PRKN: variants seen among roughly 807,000 people sequenced by gnomAD.
PRKN encodes the protein parkin RBR E3 ubiquitin protein ligase, also known as E3 ubiquitin-protein ligase parkin.
PRKN carries 56 observed loss-of-function variants against 59.5 expected under a neutral mutation model. That is an observed-to-expected ratio of 0.94 (90% CI 0.76 to 1.18). The LOEUF is 1.18. Among genes scored for constraint, PRKN ranks in the 50% most tolerant of loss-of-function variants. PRKN has a pLI of 0.00. For missense variants in PRKN, 657 were observed against 596.4 expected, an observed-to-expected ratio of 1.10 and a Z score of -1.06; for synonymous variants, 250 against 222.1, an observed-to-expected ratio of 1.13 and a Z score of -1.12.
intron 4 of PRKN, among the ~76,000 whole-genome samples, chr6:162,092,486 T>C (rs1025399225): frequency 2.0e-5 from 3 of 152,242 alleles, no homozygotes; most frequent in Admixed American, 6.5e-5. Flanking sequence ...ACAATTGAGT[T>C]CCCATCCTAT....
intron 9 of PRKN, among the ~76,000 whole-genome samples, chr6:161,481,670 C>T (rs574863271): frequency 5.3e-5 from 8 of 152,060 alleles, no homozygotes; most frequent in African/African-American, 1.2e-4. Flanking sequence ...GAACCTTTGC[C>T]GCACAAAGAG....
At chr6:162,100,155 A>T (rs1779908075) in intron 4 of PRKN, among the ~76,000 whole-genome samples, 1 of 152,180 alleles carries the variant, frequency 6.6e-6, no homozygotes, top group Non-Finnish European at 1.5e-5. Context: ...TAAATATAAC[A>T]CATTTTCTTT....
chr6:161,586,672 G>A (rs1269390897), intron 7 of PRKN, among the ~76,000 whole-genome samples: 1 of 152,082 alleles, frequency 6.6e-6, no homozygotes, highest in Non-Finnish European at 1.5e-5. Flanking sequence ...AAATAGTATG[G>A]TTCTAGTATT....
rs563784416 is a variant in PRKN, at chr6:161,435,854, C to T, written c.1084-48977G>A. Among the ~76,000 whole-genome samples the T allele has an allele frequency of 3.2e-5, 4 of 123,358 alleles. No homozygotes were observed. The South Asian group carries it at 1.2e-3, about 38-fold the overall frequency. 80.9% of individuals were successfully genotyped at this position (123,358 alleles called of 152,430 possible). On this transcript the variant is annotated intron_variant, in intron 9 of 11. Coordinates refer to ENST00000366898, the MANE Select transcript of PRKN (RefSeq NM_004562.3). The stretch of plus-strand genomic sequence containing the variant: ...CCTTTCCTCATGAAGTGTGTGGTTT[C>T]CTCAAGGACTGCCTGGGAGGCCCTG...
At chr6:162,350,840 A>G (rs910219499) in intron 2 of PRKN, among the ~76,000 whole-genome samples, 1 of 152,160 alleles carries the variant, frequency 6.6e-6, no homozygotes, top group Non-Finnish European at 1.5e-5. Context: ...TAAATTTAAG[A>G]CTTTCTGCTT....
intron 9 of PRKN, among the ~76,000 whole-genome samples, chr6:161,494,164 T>G (rs1027693484): frequency 1.3e-5 from 2 of 152,108 alleles, no homozygotes; most frequent in African/African-American, 2.4e-5. Flanking sequence ...ATTTGGCAGC[T>G]TTTAAAAAAT....
chr6:162,506,768 T>C (rs548251121), intron 1 of PRKN, among the ~76,000 whole-genome samples: 1 of 152,148 alleles, frequency 6.6e-6, no homozygotes, highest in South Asian at 2.1e-4. Flanking sequence ...AAGGAGCAAA[T>C]AGCTCCATCC....
chr6:161,508,065 G>A (rs543730915), intron 9 of PRKN, among the ~76,000 whole-genome samples: 43 of 152,248 alleles, frequency 2.8e-4, no homozygotes, highest in Non-Finnish European at 4.7e-4. Context: ...TATCGCACAC[G>A]TTAGGCATAA....
At chr6:161,843,036 G>A (rs1044543688) in intron 6 of PRKN, among the ~76,000 whole-genome samples, 1 of 152,170 alleles carries the variant, frequency 6.6e-6, no homozygotes, top group African/African-American at 2.4e-5. Flanking sequence ...TTGGAGGAGA[G>A]AAGTCTGAGG....
chr6:161,733,798 G>GTATATATATATATA (rs10597402), intron 7 of PRKN, among the ~76,000 whole-genome samples: 10 of 122,350 alleles, frequency 8.2e-5, no homozygotes, highest in African/African-American at 2.3e-4. Context: ...ATATATATAT[G>GTATATATATATATA]TATATATATA....
chr6:162,101,342 C>A, intron 4 of PRKN, among the ~76,000 whole-genome samples: 1 of 151,452 alleles, frequency 6.6e-6, no homozygotes, highest in Non-Finnish European at 1.5e-5. Flanking sequence ...ACAGTACTTT[C>A]CCCGTTATGT....
At chr6:161,945,056 C>A (rs1027027871) in intron 6 of PRKN, among the ~76,000 whole-genome samples, 1 of 151,994 alleles carries the variant, frequency 6.6e-6, no homozygotes, top group Non-Finnish European at 1.5e-5. Context: ...GGGTTTTAAA[C>A]CATAACAGTG....
At chr6:162,010,248 TACATA>T (rs1301522547) in intron 5 of PRKN, among the ~76,000 whole-genome samples, 1 of 133,522 alleles carries the variant, frequency 7.5e-6, no homozygotes, top group African/African-American at 2.8e-5. Context: ...ATATTTATTA[TACATA>T]ATATATATTT....
rs1416534381 is a variant in PRKN, at chr6:161,592,451, G to C, written c.872-23035C>G. On this transcript the variant is annotated intron_variant, in intron 7 of 11. Coordinates refer to ENST00000366898, the MANE Select transcript of PRKN (RefSeq NM_004562.3). This position sits in a 1 kb window ranked among gnomAD's most constrained non-coding sequence, Gnocchi z 4.8. The stretch of plus-strand genomic sequence containing the variant: ...AGACGAAAGAATATCAATATCATTT[G>C]ATGATATTAATGTTCTGATTATGCC... 1.3e-5 allele frequency among the ~76,000 whole-genome samples: 2 copies of C among 152,116 alleles called. No homozygotes were observed. The highest frequency in any genetic ancestry group is 2.9e-5 in the Non-Finnish European group (2 of 68,024).
chr6:161,577,958 C>T (rs1402292106), intron 7 of PRKN, among the ~76,000 whole-genome samples: 1 of 152,074 alleles, frequency 6.6e-6, no homozygotes, highest in Non-Finnish European at 1.5e-5. Context: ...ATTGATTCTT[C>T]ATCGAACAAC....
Position 161,433,716 on chromosome 6 carries a change from A to T in PRKN, c.1084-46839T>A, listed in dbSNP as rs576424024. Reference sequence around the variant, plus strand: ...AAGATTGCTGTCTCTCTTCTTTTATAAAATATTTGTCAGTATTAGGCTGAG... The same window carrying T: ...AAGATTGCTGTCTCTCTTCTTTTATTAAATATTTGTCAGTATTAGGCTGAG... On this transcript the variant is annotated intron_variant, in intron 9 of 11. Transcript: ENST00000366898. Among the ~76,000 whole-genome samples the T allele has an allele frequency of 7.2e-5, 11 of 152,176 alleles. No homozygotes were observed. In the South Asian group the frequency reaches 1.5e-3, roughly 20 times the overall value.
At chr6:162,501,166 T>C (rs1448350523) in intron 1 of PRKN, among the ~76,000 whole-genome samples, 2 of 152,162 alleles carry the variant, frequency 1.3e-5, no homozygotes, top group Non-Finnish European at 2.9e-5. Flanking sequence ...CTAATAATAA[T>C]AGTAATAAAA....
intron 7 of PRKN, among the ~76,000 whole-genome samples, chr6:161,776,485 C>A (rs76523236): frequency 0.039 from 5,932 of 152,190 alleles, 384 homozygotes; most frequent in African/African-American, 0.13. Context: ...CTAGAGATTA[C>A]ATAGACATGG....
chr6:162,616,122 T>C (rs767202731), intron 1 of PRKN, among the ~76,000 whole-genome samples: 1 of 152,178 alleles, frequency 6.6e-6, no homozygotes, highest in African/African-American at 2.4e-5. Context: ...CTCTCCTTCA[T>C]TTAAGAGACA....
Sources: gnomAD v4.1 joint callset for allele counts (sites outside exome capture counted in the v4.1 genomes callset) on GRCh38, gnomAD v4.1.1 for gene constraint, Gnocchi (gnomAD v3.1) non-coding constraint, MANE v1.5 for transcripts, NCBI Gene and HGNC (gene_info 2026-07-23, HGNC 2026-07-21) for gene names.